Variants in DMD observed in about 807,000 individuals in gnomAD.
The protein encoded by DMD is dystrophin.
DMD carries 63 observed loss-of-function variants against 330.1 expected under a neutral mutation model. The ratio of observed to expected loss-of-function variants is 0.19; its 90% CI spans 0.16 to 0.24. The LOEUF is 0.24. DMD is among the 10% of genes least tolerant of loss of function. The pLI is 1.00. For missense variants in DMD, 3,344 were observed against 2,684.1 expected (o/e 1.25, Z -5.43); for synonymous variants, 1,223 against 959.8 (o/e 1.27, Z -5.07).
intron 50 of DMD, among the ~76,000 whole-genome samples, chrX:31,796,408 A>G (rs753851275): frequency 1.4e-3 from 153 of 112,597 alleles, no homozygotes; most frequent in African/African-American, 4.9e-3. Flanking sequence ...AGTCCATTAG[A>G]TTGTGTCATT....
chrX:32,515,375 G>T (rs2045756456), intron 18 of DMD, among the ~76,000 whole-genome samples: 1 of 111,152 alleles, frequency 9.0e-6, no homozygotes, highest in Non-Finnish European at 1.9e-5. Flanking sequence ...ATGATTTCCA[G>T]CGGGAGTTGG....
At chrX:33,208,138 C>T in intron 1 of DMD, among the ~76,000 whole-genome samples, 1 of 111,509 alleles carries the variant, frequency 9.0e-6, no homozygotes, top group East Asian at 2.8e-4. Context: ...AATAACTGCA[C>T]CGCCTCCATT....
At chrX:31,725,185 C>G (rs970622503) in intron 52 of DMD, among the ~76,000 whole-genome samples, 2 of 111,214 alleles carry the variant, frequency 1.8e-5, no homozygotes, top group Non-Finnish European at 3.8e-5. Context: ...AGACAAGTTA[C>G]GTTAGCTCTC....
chrX:31,884,691 C>T (rs1387152431), intron 47 of DMD, among the ~76,000 whole-genome samples: 2 of 111,812 alleles, frequency 1.8e-5, no homozygotes, highest in African/African-American at 6.5e-5. Context: ...TGTTCTATAG[C>T]TTGATTTAGT....
intron 57 of DMD, among the ~76,000 whole-genome samples, chrX:31,487,944 T>C (rs756347265): frequency 9.0e-6 from 1 of 111,320 alleles, no homozygotes; most frequent in Non-Finnish European, 1.9e-5. Flanking sequence ...CATTTTTGAG[T>C]GTATAAGGGG....
At chrX:32,183,132 C>T (rs920425851) in intron 44 of DMD, among the ~76,000 whole-genome samples, 5 of 111,296 alleles carry the variant, frequency 4.5e-5, no homozygotes. Flanking sequence ...AGATCTTTTC[C>T]TCAAACCATA....
chrX:32,508,708 A>C (rs1428901163), intron 18 of DMD, among the ~76,000 whole-genome samples: 1 of 112,556 alleles, frequency 8.9e-6, no homozygotes, highest in African/African-American at 3.2e-5. Flanking sequence ...TAAGCTGAGA[A>C]AAATGGTTTG....
intron 52 of DMD, among the ~76,000 whole-genome samples, chrX:31,683,521 G>A (rs2082502006): frequency 8.9e-6 from 1 of 112,351 alleles, no homozygotes; most frequent in Non-Finnish European, 1.9e-5. Context: ...GTGTATTTTG[G>A]GAGAGACAGA....
At chrX:32,388,148 C>T (rs895006017) in intron 32 of DMD, among the ~76,000 whole-genome samples, 52 of 111,082 alleles carry the variant, frequency 4.7e-4, no homozygotes, top group African/African-American at 1.6e-3. Flanking sequence ...TGAGCAAATG[C>T]CTTGAGCAGT....
At chrX:32,047,504 A>G (rs915081733) in intron 44 of DMD, among the ~76,000 whole-genome samples, 1 of 111,852 alleles carries the variant, frequency 8.9e-6, no homozygotes, top group African/African-American at 3.2e-5. Context: ...ATCTTTGCAG[A>G]TAATTAGAAA....
At chrX:32,689,902 T>G (rs1009028843) in intron 9 of DMD, among the ~76,000 whole-genome samples, 4 of 109,874 alleles carry the variant, frequency 3.6e-5, no homozygotes, top group Non-Finnish European at 5.7e-5. Context: ...TAGAAGGAAA[T>G]TGCTTCAATG....
rs769076693 is a variant in DMD at position 32,809,624 on chromosome X, C to A, written c.531-13G>T. The A allele has an allele frequency of 7.3e-6, 8 of 1,090,419 alleles. No homozygotes were observed. The South Asian group carries it at 9.2e-5, about 13-fold the overall frequency. 89.9% of individuals were successfully genotyped at this position (1,090,419 alleles called of 1,213,427 possible). ...AAATAGGTCTGGCCTAAAACACATA[C>A]ACATACACACATACACAAAGACAAA... is the stretch of plus-strand genomic sequence containing the variant. On this transcript the variant is annotated splice_polypyrimidine_tract_variant and intron_variant, in intron 6 of 78. Coordinates refer to ENST00000357033, the MANE Select transcript of DMD (RefSeq NM_004006.3).
intron 62 of DMD, among the ~76,000 whole-genome samples, chrX:31,270,960 T>C (rs945568791): frequency 1.8e-5 from 2 of 111,727 alleles, no homozygotes; most frequent in African/African-American, 3.3e-5. Context: ...AGTAAAGCAA[T>C]AGTCCTCAAG....
chrX:32,139,325 C>G (rs2096742150), intron 44 of DMD, among the ~76,000 whole-genome samples: 1 of 112,000 alleles, frequency 8.9e-6, no homozygotes, highest in Non-Finnish European at 1.9e-5. Context: ...TCATATTCAT[C>G]AACTGTAATT....
At chrX:32,627,164 C>G (rs1479188882) in intron 11 of DMD, among the ~76,000 whole-genome samples, 1 of 71,567 alleles carries the variant, frequency 1.4e-5, no homozygotes, top group East Asian at 5.3e-4. Context: ...CCCCCCGCCC[C>G]AGGACACAGC....
At chrX:31,642,184 A>G (rs1042323869) in intron 54 of DMD, among the ~76,000 whole-genome samples, 2 of 112,295 alleles carry the variant, frequency 1.8e-5, no homozygotes, top group Non-Finnish European at 1.9e-5. Context: ...GTCCACTGCT[A>G]TAAGTGTCAT....
At chrX:33,249,640 T>C (rs917330457) in intron 1 of DMD, among the ~76,000 whole-genome samples, 1 of 111,714 alleles carries the variant, frequency 9.0e-6, no homozygotes, top group African/African-American at 3.3e-5. Flanking sequence ...AAACACTCCT[T>C]ACTCCTGCAA....
intron 1 of DMD, among the ~76,000 whole-genome samples, chrX:33,200,739 C>T (rs1027858690): frequency 1.4e-4 from 15 of 109,608 alleles, no homozygotes; most frequent in Non-Finnish European, 2.1e-4. Context: ...ACTGGGTCTC[C>T]GAAATATATT....
intron 2 of DMD, among the ~76,000 whole-genome samples, chrX:32,948,140 A>ACACC (rs1420081513): frequency 9.1e-6 from 1 of 110,092 alleles, no homozygotes; most frequent in East Asian, 2.9e-4. Context: ...ACACACACAC[A>ACACC]CACACACACC....
Sources: allele counts gnomAD v4.1 joint callset (sites outside exome capture counted in the v4.1 genomes callset), GRCh38; gene constraint gnomAD v4.1.1; transcripts MANE v1.5; gene names NCBI Gene and HGNC (gene_info 2026-07-23, HGNC 2026-07-21).